Variants in PHACTR4 observed in about 807,000 individuals in gnomAD.
The protein encoded by PHACTR4 is protein phosphatase 1, regulatory subunit 124.
PHACTR4 carries 51 observed loss-of-function variants against 72.7 expected under a neutral mutation model. That is an observed-to-expected ratio of 0.70 (90% CI 0.56 to 0.89). PHACTR4 has a LOEUF of 0.89. Among genes scored for constraint, PHACTR4 ranks in the 40% least tolerant of loss-of-function variants. PHACTR4 has a pLI of 0.00. For synonymous variants in PHACTR4, 255 were observed against 302.5 expected (o/e 0.84, Z 1.63); for missense variants, 731 against 861.8 (o/e 0.85, Z 1.90).
At chr1:28,416,896 A>G (rs543984410) in intron 2 of PHACTR4, among the ~76,000 whole-genome samples, 1 of 152,138 alleles carries the variant, frequency 6.6e-6, no homozygotes, top group Non-Finnish European at 1.5e-5. Context: ...TTAACCAAAG[A>G]TTAGGTTTTA....
intron 1 of PHACTR4, among the ~76,000 whole-genome samples, chr1:28,377,319 A>G (rs760393739): frequency 1.1e-4 from 17 of 149,188 alleles, no homozygotes; most frequent in South Asian, 2.1e-4. Flanking sequence ...GCACACTGCA[A>G]CCTCCGCCTC....
At chr1:28,431,976 C>T (rs147467654) in intron 2 of PHACTR4, among the ~76,000 whole-genome samples, 13,513 of 149,390 alleles carry the variant, frequency 0.09, 1,298 homozygotes, top group African/African-American at 0.25. Context: ...TTTGGGAGGC[C>T]GAAGTGGGCA....
chr1:28,494,938 C>T (rs1661256023), intron 13 of PHACTR4, among the ~76,000 whole-genome samples: 1 of 152,130 alleles, frequency 6.6e-6, no homozygotes, highest in African/African-American at 2.4e-5. Flanking sequence ...GCAAGGAAAA[C>T]AGGAAGTATC....
chr1:28,409,844 C>T (rs184927724), intron 2 of PHACTR4, among the ~76,000 whole-genome samples: 2 of 152,020 alleles, frequency 1.3e-5, no homozygotes, highest in African/African-American at 4.8e-5. Flanking sequence ...TTCTTTCCCC[C>T]CTGAAGAGTA....
chr1:28,451,403 T>A (rs535001486), intron 2 of PHACTR4, among the ~76,000 whole-genome samples: 41 of 151,698 alleles, frequency 2.7e-4, no homozygotes, highest in African/African-American at 7.5e-4. Flanking sequence ...TTTTTTTTTT[T>A]AATTTTAGAT....
Position 28,496,591 on chromosome 1 carries a change from C to T in PHACTR4, c.*42C>T. ...AGGAATCAACATGGCTGCTTTGCTGCTTCCTTCTCCAAAGTGACATATGGA... is the reference window on the plus strand; with the variant it reads ...AGGAATCAACATGGCTGCTTTGCTGTTTCCTTCTCCAAAGTGACATATGGA... On this transcript the variant is annotated 3_prime_UTR_variant, in exon 14 of 14. Transcript: ENST00000373839. The T allele has an allele frequency of 6.2e-7, 1 of 1,610,160 alleles. No individual in the cohort carries two copies.
At chr1:28,402,294 A>G (rs1024341167) in intron 1 of PHACTR4, among the ~76,000 whole-genome samples, 3 of 152,186 alleles carry the variant, frequency 2.0e-5, no homozygotes, top group Admixed American at 2.0e-4. Flanking sequence ...TGGGAAATCA[A>G]GAGTTTGTTC....
intron 9 of PHACTR4, among the ~76,000 whole-genome samples, chr1:28,484,249 A>G (rs1476764283): frequency 6.6e-6 from 1 of 152,090 alleles, no homozygotes; most frequent in African/African-American, 2.4e-5. Context: ...TGAACCCAGG[A>G]GGCAGAGGTT....
At chr1:28,414,987 G>A (rs1185649689) in intron 2 of PHACTR4, among the ~76,000 whole-genome samples, 2 of 152,054 alleles carry the variant, frequency 1.3e-5, no homozygotes, top group African/African-American at 2.4e-5. Context: ...TAGGCTGGGC[G>A]CGGTGGCTCA....
chr1:28,462,267 C>T (rs1363131178), intron 4 of PHACTR4, among the ~76,000 whole-genome samples: 1 of 152,212 alleles, frequency 6.6e-6, no homozygotes, highest in South Asian at 2.1e-4. Flanking sequence ...CCTCAGCCTC[C>T]CAAAGTGCTG....
intron 2 of PHACTR4, among the ~76,000 whole-genome samples, chr1:28,423,682 C>T (rs936002506): frequency 2.0e-5 from 3 of 152,088 alleles, no homozygotes; most frequent in Non-Finnish European, 1.5e-5. Flanking sequence ...GCCAGTTTGC[C>T]AGTTTTTAAC....
At position 28,495,704 on chromosome 1, in the gene PHACTR4, C is replaced by A. The variant is rs536020173; in HGVS notation, c.2094-830C>A. On this transcript the variant is annotated intron_variant, in intron 13 of 13. Transcript: ENST00000373839. ...TGATCGTGGCTCACTGCAGCCTCAA[C>A]CTCTCATGTTCAAGCCATCCTCCCA... 1.3e-4 allele frequency among the ~76,000 whole-genome samples: 20 copies of A among 151,274 alleles called. No homozygotes were observed. In the East Asian group the frequency reaches 3.5e-3, roughly 27 times the overall value.
intron 9 of PHACTR4, among the ~76,000 whole-genome samples, chr1:28,484,920 C>G (rs545344983): frequency 2.6e-5 from 4 of 152,006 alleles, no homozygotes; most frequent in Non-Finnish European, 5.9e-5. Context: ...GAGCTGAGTT[C>G]ACACCACTGC....
chr1:28,388,968 G>T (rs370407321), intron 1 of PHACTR4, among the ~76,000 whole-genome samples: 85 of 152,224 alleles, frequency 5.6e-4, no homozygotes, highest in South Asian at 2.7e-3. Flanking sequence ...ATGATTTTTT[G>T]ATTATGACCC....
At chr1:28,415,217 C>T (rs189429446) in intron 2 of PHACTR4, among the ~76,000 whole-genome samples, 10 of 150,050 alleles carry the variant, frequency 6.7e-5, no homozygotes, top group East Asian at 2.0e-4. Context: ...GCCAAGATCA[C>T]GCCACTCCAC....
chr1:28,477,847 C>T (rs1660020109), intron 8 of PHACTR4, among the ~76,000 whole-genome samples: 1 of 151,996 alleles, frequency 6.6e-6, no homozygotes, highest in Non-Finnish European at 1.5e-5. Context: ...CCACCACGCC[C>T]AGCTCATTTT....
At chr1:28,475,165 C>T (rs1410849316) in intron 7 of PHACTR4, among the ~76,000 whole-genome samples, 1 of 151,762 alleles carries the variant, frequency 6.6e-6, no homozygotes, top group South Asian at 2.1e-4. Flanking sequence ...TGCCCAGGCT[C>T]ACCCTGAACT....
At chr1:28,490,278 C>T (rs1408005343) in intron 10 of PHACTR4, among the ~76,000 whole-genome samples, 1 of 152,092 alleles carries the variant, frequency 6.6e-6, no homozygotes, top group Non-Finnish European at 1.5e-5. Context: ...TGATTTGGGC[C>T]TATAAGAAAT....
intron 1 of PHACTR4, among the ~76,000 whole-genome samples, chr1:28,395,103 G>A (rs1299698756): frequency 2.6e-5 from 4 of 151,882 alleles, no homozygotes; most frequent in Non-Finnish European, 4.4e-5. Context: ...AGTAGAGATG[G>A]GGTTTCGCCA....
Sources: allele counts gnomAD v4.1 joint callset (sites outside exome capture counted in the v4.1 genomes callset), GRCh38; gene constraint gnomAD v4.1.1; transcripts MANE v1.5; gene names NCBI Gene and HGNC (gene_info 2026-07-23, HGNC 2026-07-21).